SEMA6D: variants seen among roughly 807,000 people sequenced by gnomAD.
SEMA6D encodes semaphorin 6D.
A neutral mutation model predicts 106.6 loss-of-function variants in SEMA6D; 35 were observed. The ratio of observed to expected loss-of-function variants is 0.33; its 90% CI spans 0.25 to 0.44. The LOEUF is 0.44. SEMA6D is among the 20% of genes least tolerant of loss of function. SEMA6D has a pLI of 1.00. For missense variants in SEMA6D, 1,185 were observed against 1,345.9 expected, an observed-to-expected ratio of 0.88 and a Z score of 1.87; for synonymous variants, 499 against 487.7, an observed-to-expected ratio of 1.02 and a Z score of -0.31.
chr15:47,339,169 C>A (rs981479453), intron 1 of SEMA6D: 3 of 152,158 alleles, frequency 2.0e-5, no homozygotes, highest in African/African-American at 7.2e-5. Context: ...TTCCCCCATA[C>A]CTCACCCTAC....
chr15:47,621,864 G>A (rs2077105617), intron 4 of SEMA6D, among the ~76,000 whole-genome samples: 1 of 152,170 alleles, frequency 6.6e-6, no homozygotes, highest in African/African-American at 2.4e-5. Context: ...AAGACATATA[G>A]AAGCACTTTG....
chr15:47,641,927 GCA>G (rs2077495847), intron 4 of SEMA6D, among the ~76,000 whole-genome samples: 1 of 152,138 alleles, frequency 6.6e-6, no homozygotes, highest in East Asian at 1.9e-4. Context: ...CCCTGTTGTA[GCA>G]CAGTGTGTGT....
At chr15:47,515,046 C>T (rs1045139067) in intron 3 of SEMA6D, among the ~76,000 whole-genome samples, 2 of 152,320 alleles carry the variant, frequency 1.3e-5, no homozygotes, top group Non-Finnish European at 2.9e-5. Context: ...CCCTTGCATT[C>T]GCCTGGCAGC....
chr15:47,614,999 G>A (rs2076980487), intron 4 of SEMA6D, among the ~76,000 whole-genome samples: 1 of 152,018 alleles, frequency 6.6e-6, no homozygotes, highest in African/African-American at 2.4e-5. Context: ...ATTTCTCAAG[G>A]CCCTAGTATG....
chr15:47,219,913 A>C (rs1470213621), intron 1 of SEMA6D, among the ~76,000 whole-genome samples: 2 of 152,138 alleles, frequency 1.3e-5, no homozygotes, highest in African/African-American at 2.4e-5. Context: ...TTGAGCTCTC[A>C]CATGTCTAGG....
intron 2 of SEMA6D, among the ~76,000 whole-genome samples, chr15:47,430,982 T>C (rs2140540077): frequency 6.6e-6 from 1 of 152,282 alleles, no homozygotes; most frequent in Admixed American, 6.5e-5. Context: ...GCCAGTCCCC[T>C]GGATCATAGA....
chr15:47,603,779 A>T (rs1239986341), intron 4 of SEMA6D: 1 of 151,904 alleles, frequency 6.6e-6, no homozygotes, highest in Non-Finnish European at 1.5e-5. Context: ...TTTAAATGGT[A>T]CTTCTAAAAA....
rs546703419 is a variant in SEMA6D, at chr15:47,247,084, C to G, written c.-239+62666C>G. Among the ~76,000 whole-genome samples, 15 of 152,202 alleles carry G rather than the reference C, an allele frequency of 9.9e-5. No individual in the cohort carries two copies. In the South Asian group the frequency reaches 1.2e-3, roughly 13 times the overall value. ...CACCTGTTATATAACTAGACCTTTG[C>G]TAACTGCAAGTAGAAAAACTACACT... On this transcript the variant is annotated intron_variant, in intron 1 of 19. Transcript: ENST00000558014.
At chr15:47,468,107 A>G (rs1358706053) in intron 2 of SEMA6D, among the ~76,000 whole-genome samples, 1 of 152,144 alleles carries the variant, frequency 6.6e-6, no homozygotes, top group Non-Finnish European at 1.5e-5. Context: ...TTGGAAATAC[A>G]GTACAATCAA....
At chr15:47,208,686 A>G (rs1895276673) in intron 1 of SEMA6D, among the ~76,000 whole-genome samples, 1 of 152,210 alleles carries the variant, frequency 6.6e-6, no homozygotes, top group Admixed American at 6.5e-5. Context: ...GTGAGCCCCA[A>G]AGTAATAATG....
At chr15:47,683,710 A>G (rs1413696017) in intron 4 of SEMA6D, among the ~76,000 whole-genome samples, 1 of 152,182 alleles carries the variant, frequency 6.6e-6, no homozygotes, top group Non-Finnish European at 1.5e-5. Flanking sequence ...ACACACACAA[A>G]CGAGTTATTT....
At chr15:47,529,440 A>G (rs16959659) in intron 3 of SEMA6D, among the ~76,000 whole-genome samples, 37,348 of 152,094 alleles carry the variant, frequency 0.25, 5,288 homozygotes, top group East Asian at 0.47. Context: ...TTGGGCAACA[A>G]GGCTTTAGCT....
rs72623947 is a variant in SEMA6D, at chr15:47,298,549, C to T, written c.-238-113844C>T. 0.059 allele frequency among the ~76,000 whole-genome samples: 8,967 copies of T among 152,184 alleles called. 1,215 individuals carry two copies. The East Asian group carries it at 0.6, about 10-fold the overall frequency. ...ACTGGATAGAACATTCACCCCAAGC[C>T]TTTCATAGAAGTCATTGTGTTCTTA... On this transcript the variant is annotated intron_variant, in intron 1 of 19. Transcript: ENST00000558014.
chr15:47,432,043 C>T (rs1222486850), intron 2 of SEMA6D, among the ~76,000 whole-genome samples: 1 of 151,982 alleles, frequency 6.6e-6, no homozygotes, highest in Non-Finnish European at 1.5e-5. Flanking sequence ...GGTGATGTTC[C>T]AGGGCATCAA....
chr15:47,411,130 C>A (rs1293819309), intron 1 of SEMA6D, among the ~76,000 whole-genome samples: 1 of 151,994 alleles, frequency 6.6e-6, no homozygotes, highest in Non-Finnish European at 1.5e-5. Flanking sequence ...GAGTCTCACT[C>A]TGTTGCCCAG....
At chr15:47,350,073 A>G (rs74934535) in intron 1 of SEMA6D, among the ~76,000 whole-genome samples, 1 of 152,080 alleles carries the variant, frequency 6.6e-6, no homozygotes, top group Non-Finnish European at 1.5e-5. Context: ...TTGTGTGTGC[A>G]CATATATGTA....
chr15:47,719,908 C>G (rs1021024238), intron 1 of SEMA6D, among the ~76,000 whole-genome samples: 2 of 152,246 alleles, frequency 1.3e-5, no homozygotes, highest in Admixed American at 1.3e-4. Flanking sequence ...ATTACACAAA[C>G]ATTTACTCTG....
chr15:47,284,997 A>G (rs2035296909), intron 1 of SEMA6D, among the ~76,000 whole-genome samples: 2 of 152,182 alleles, frequency 1.3e-5, no homozygotes, highest in Non-Finnish European at 2.9e-5. Flanking sequence ...GGAGAAACGC[A>G]AGGTGAGCTC....
At chr15:47,335,608 T>G (rs975700739) in intron 1 of SEMA6D, among the ~76,000 whole-genome samples, 2 of 152,120 alleles carry the variant, frequency 1.3e-5, no homozygotes, top group African/African-American at 4.8e-5. Context: ...AGGAAGTGCC[T>G]TCTACATGGG....
Sources: gnomAD v4.1 joint callset for allele counts (sites outside exome capture counted in the v4.1 genomes callset) on GRCh38, gnomAD v4.1.1 for gene constraint, MANE v1.5 for transcripts, NCBI Gene and HGNC (gene_info 2026-07-23, HGNC 2026-07-21) for gene names.